ZDHHC2: variants seen among roughly 807,000 people sequenced by gnomAD.
ZDHHC2 encodes palmitoyltransferase ZDHHC2.
A neutral mutation model predicts 55.6 loss-of-function variants in ZDHHC2; 51 were observed. The observed-to-expected ratio is 0.92, with a 90% CI of 0.73 to 1.16. The LOEUF (loss-of-function observed/expected upper bound fraction) is 1.16. Among genes scored for constraint, ZDHHC2 ranks in the 50% most tolerant of loss-of-function variants. The pLI, the probability that ZDHHC2 is intolerant of heterozygous loss-of-function variation, is 0.00. For missense variants in ZDHHC2, 491 were observed against 442.4 expected (o/e 1.11, Z -0.99); for synonymous variants, 199 against 152.9 (o/e 1.30, Z -2.22).
At position 17,222,126 on chromosome 8, in the gene ZDHHC2, C is replaced by T. The variant is rs1807948518; in HGVS notation, c.*1905C>T. On this transcript the variant is annotated 3_prime_UTR_variant, in exon 13 of 13. Transcript: ENST00000262096. ...TTACTCTTCTAGAGTACTGTTAATGCCCCTTTCCCACAGTCTTTTATATAA... is the reference window on the plus strand; with the variant it reads ...TTACTCTTCTAGAGTACTGTTAATGTCCCTTTCCCACAGTCTTTTATATAA... 6.6e-6 allele frequency: 1 copy of T among 151,234 alleles called. No homozygotes were observed. Among genetic ancestry groups the T allele is most frequent in the African/African-American group, 2.4e-5 (1 of 41,208 alleles). The allele number at this position is 151,234 out of a possible 1,614,324, so 9.4% of individuals were successfully genotyped here. A position where few individuals can be genotyped will look rare whatever the true frequency, so the allele number is the denominator to read the frequency against.
intron 3 of ZDHHC2, among the ~76,000 whole-genome samples, chr8:17,192,926 T>A (rs1806108467): frequency 6.6e-6 from 1 of 152,234 alleles, no homozygotes; most frequent in African/African-American, 2.4e-5. Context: ...ATGAGTTTAC[T>A]GTAGATGTAA....
intron 10 of ZDHHC2, among the ~76,000 whole-genome samples, chr8:17,210,716 T>C (rs1279913128): frequency 6.6e-6 from 1 of 152,182 alleles, no homozygotes; most frequent in Non-Finnish European, 1.5e-5. Flanking sequence ...TAATTGTCTA[T>C]ACATTTTGGT....
chr8:17,190,164 C>T (rs1047609434), intron 3 of ZDHHC2, among the ~76,000 whole-genome samples: 1 of 151,462 alleles, frequency 6.6e-6, no homozygotes, highest in African/African-American at 2.4e-5. Context: ...AAAATATATA[C>T]CAATACACTT....
rs75852847 is a variant in ZDHHC2, at chr8:17,163,839, T to A, written c.130+6986T>A. On this transcript the variant is annotated intron_variant, in intron 1 of 12. Transcript: ENST00000262096. ...GTTTTAATATTATGTGGAATTCTGT[T>A]ATTACATATTACCATTTAGAAATAC... Among the ~76,000 whole-genome samples, 1,080 of 152,344 alleles carry A rather than the reference T, an allele frequency of 7.1e-3. 56 individuals are homozygous for A. The East Asian group carries it at 0.14, about 19-fold the overall frequency.
chr8:17,198,698 C>A (rs767424751), intron 6 of ZDHHC2, among the ~76,000 whole-genome samples: 4 of 152,096 alleles, frequency 2.6e-5, no homozygotes, highest in African/African-American at 4.8e-5. Flanking sequence ...AACAGAGATT[C>A]CAGAATACTT....
chr8:17,164,596 TA>T (rs1232206818), intron 1 of ZDHHC2, among the ~76,000 whole-genome samples: 139 of 134,608 alleles, frequency 1.0e-3, no homozygotes, highest in Middle Eastern at 3.8e-3. Flanking sequence ...CACTAAACAA[TA>T]AAAAAAAAAA....
intron 1 of ZDHHC2, among the ~76,000 whole-genome samples, chr8:17,158,222 T>A (rs985440021): frequency 3.3e-5 from 5 of 152,212 alleles, no homozygotes; most frequent in African/African-American, 1.2e-4. Flanking sequence ...GTAAATTTTG[T>A]ATTAACTGTT....
At position 17,214,862 on chromosome 8, in the gene ZDHHC2, C is replaced by G. The variant is rs192629725; in HGVS notation, c.951-375C>G. On this transcript the variant is annotated intron_variant, in intron 10 of 12. Coordinates refer to ENST00000262096, the MANE Select transcript of ZDHHC2 (RefSeq NM_016353.5). The stretch of plus-strand genomic sequence containing the variant: ...GAGGCCATGACTGCACCTCTGCACT[C>G]CAGCCTGGGCAATAGAGTGAGATTC... Among the ~76,000 whole-genome samples, 8 of 152,228 alleles carry G rather than the reference C, an allele frequency of 5.3e-5. No homozygotes were observed. In the East Asian group the frequency reaches 1.5e-3, roughly 29 times the overall value.
chr8:17,216,547 G>A (rs1038640993), intron 11 of ZDHHC2, among the ~76,000 whole-genome samples: 3 of 152,102 alleles, frequency 2.0e-5, no homozygotes, highest in African/African-American at 7.2e-5. Flanking sequence ...CATCATTTTC[G>A]TTAGAGGCAG....
chr8:17,179,201 C>T (rs1021707576), intron 1 of ZDHHC2, among the ~76,000 whole-genome samples: 2 of 152,112 alleles, frequency 1.3e-5, no homozygotes, highest in Non-Finnish European at 2.9e-5. Context: ...TATGCTCTCA[C>T]CTTGGCCTCC....
At chr8:17,194,769 T>G (rs1806219305) in intron 3 of ZDHHC2, among the ~76,000 whole-genome samples, 1 of 152,178 alleles carries the variant, frequency 6.6e-6, no homozygotes, top group Non-Finnish European at 1.5e-5. Flanking sequence ...ATACTCCAAT[T>G]TATCCATCAT....
chr8:17,206,882 A>C (rs1261923740), intron 7 of ZDHHC2, among the ~76,000 whole-genome samples: 2 of 152,174 alleles, frequency 1.3e-5, no homozygotes, highest in Non-Finnish European at 2.9e-5. Flanking sequence ...TTTAATACCA[A>C]AGAGTTATTG....
chr8:17,186,725 A>C (rs1805729893), intron 3 of ZDHHC2, among the ~76,000 whole-genome samples: 4 of 152,204 alleles, frequency 2.6e-5, no homozygotes, highest in Admixed American at 1.3e-4. Context: ...ATAGAGCTAG[A>C]AGGTAGACAT....
At chr8:17,174,705 C>CTTTTTTTTTTTTTTTTTTTTTTTT (rs546670520) in intron 1 of ZDHHC2, among the ~76,000 whole-genome samples, 1 of 61,944 alleles carries the variant, frequency 1.6e-5, no homozygotes. Context: ...TTGTGTTATT[C>CTTTTTTTTTTTTTTTTTTTTTTTT]TTTTTTTTTT....
rs1808022372 is a variant in ZDHHC2, at chr8:17,223,969, G to C, written c.*3748G>C. Reference sequence around the variant, plus strand: ...AAAGAGACTCCTGTGAATCAACTATGAATATGAAGTATCTCCCAGAACAAT... The same window carrying C: ...AAAGAGACTCCTGTGAATCAACTATCAATATGAAGTATCTCCCAGAACAAT... On this transcript the variant is annotated 3_prime_UTR_variant, in exon 13 of 13. Coordinates refer to ENST00000262096, the MANE Select transcript of ZDHHC2 (RefSeq NM_016353.5). 1 of 151,626 alleles carries C rather than the reference G, an allele frequency of 6.6e-6. No individual in the cohort carries two copies. Among genetic ancestry groups the C allele is most frequent in the African/African-American group, 2.4e-5 (1 of 41,366 alleles). 9.4% of individuals were successfully genotyped at this position (151,626 alleles called of 1,614,324 possible).
intron 11 of ZDHHC2, among the ~76,000 whole-genome samples, chr8:17,215,975 C>T (rs186758558): frequency 7.2e-5 from 11 of 152,310 alleles, no homozygotes; most frequent in African/African-American, 2.4e-4. Flanking sequence ...CGTTACCTAA[C>T]ATCTTTTAGA....
At chr8:17,216,357 A>C (rs985036328) in intron 11 of ZDHHC2, among the ~76,000 whole-genome samples, 25 of 152,288 alleles carry the variant, frequency 1.6e-4, no homozygotes, top group African/African-American at 5.8e-4. Flanking sequence ...CCTAAAATAG[A>C]AGCTTTCTTT....
At chr8:17,181,440 C>T (rs567338386) in intron 1 of ZDHHC2, among the ~76,000 whole-genome samples, 1 of 152,266 alleles carries the variant, frequency 6.6e-6, no homozygotes, top group East Asian at 1.9e-4. Flanking sequence ...GAGAATAAAG[C>T]TCATTTGCTT....
At chr8:17,166,284 G>C (rs1307849267) in intron 1 of ZDHHC2, among the ~76,000 whole-genome samples, 1 of 152,192 alleles carries the variant, frequency 6.6e-6, no homozygotes, top group Admixed American at 6.5e-5. Flanking sequence ...TTTTACAGTA[G>C]CGACAGCAGA....
Sources: allele counts gnomAD v4.1 joint callset (sites outside exome capture counted in the v4.1 genomes callset), GRCh38; gene constraint gnomAD v4.1.1; transcripts MANE v1.5; gene names NCBI Gene and HGNC (gene_info 2026-07-23, HGNC 2026-07-21).